ACTL6B: variants seen among roughly 807,000 people sequenced by gnomAD.
ACTL6B encodes the protein actin-like protein 6B.
A neutral mutation model predicts 63.3 loss-of-function variants in ACTL6B; 48 were observed. That is an observed-to-expected ratio of 0.76 (90% CI 0.60 to 0.96). The LOEUF (loss-of-function observed/expected upper bound fraction) is 0.96. ACTL6B is among the 50% of genes least tolerant of loss of function. The pLI, the probability that ACTL6B is intolerant of heterozygous loss-of-function variation, is 0.00. For missense variants in ACTL6B, 350 were observed against 572.2 expected (o/e 0.61, Z 3.96); for synonymous variants, 230 against 223.8 (o/e 1.03, Z -0.25).
At chr7:100,643,660 C>T (rs1356270467) in intron 13 of ACTL6B, among the ~76,000 whole-genome samples, 2 of 152,166 alleles carry the variant, frequency 1.3e-5, no homozygotes, top group Non-Finnish European at 2.9e-5. Context: ...CTCAACACCC[C>T]CTACACACAC....
rs761132428 is a variant in ACTL6B, at chr7:100,647,427, C to A, written c.759+17G>T. 4 of 1,611,524 alleles carry A rather than the reference C, an allele frequency of 2.5e-6. No homozygotes were observed. Among genetic ancestry groups the A allele is most frequent in the Non-Finnish European group, 2.5e-6 (3 of 1,178,348 alleles). On this transcript the variant is annotated intron_variant, in intron 8 of 13. Transcript: ENST00000160382. The surrounding 1 kb of genome is among the most constrained non-coding windows in gnomAD (Gnocchi z 4.4). Reference sequence around the variant, plus strand: ...GCAGGGGAGGGGGGTTTCAGGTGGCCCTCTCCAGAGGCTCACATTACACAT... The same window carrying A: ...GCAGGGGAGGGGGGTTTCAGGTGGCACTCTCCAGAGGCTCACATTACACAT...
chr7:100,646,724 C>A lies in ACTL6B; in HGVS notation c.1017+27G>T, dbSNP rs546607849. ...CCCCACTTCCCCTGGGCCCCTTTGC[C>A]GAGCCTCAGCTCCGGCCTGGCCTCA... On this transcript the variant is annotated intron_variant, in intron 11 of 13. Coordinates refer to ENST00000160382, the MANE Select transcript of ACTL6B (RefSeq NM_016188.5). The surrounding 1 kb of genome is among the most constrained non-coding windows in gnomAD (Gnocchi z 6.1). 2 of 1,613,304 alleles carry A rather than the reference C, an allele frequency of 1.2e-6. No individual in the cohort carries two copies. Among genetic ancestry groups the A allele is most frequent in the African/African-American group, 2.7e-5 (2 of 74,906 alleles).
chr7:100,643,289 T>A lies in ACTL6B; in HGVS notation c.1238A>T (p.Tyr413Phe). 6.2e-7 allele frequency: 1 copy of A among 1,613,942 alleles called. No homozygotes were observed. The highest frequency in any genetic ancestry group is 2.2e-5 in the East Asian group (1 of 44,828). Residue 413 changes from tyrosine (Y) to phenylalanine (F), a missense_variant, in exon 14 of 14, where the codon TAT becomes TTT. Tyr to Phe is a conservative substitution (Grantham distance 22). Around this residue, in one of 3 missense-constraint regions of ACTL6B, gnomAD observed 76 missense variants for 126.1 expected, o/e 0.60. Transcript: ENST00000160382. ...FQQMWISKQE[Y>F]EEGGKQCVER... Reference sequence around the variant, plus strand: ...CACGCACTGCTTCCCGCCCTCCTCATATTCCTGCTTGGAGATCCACATCTG... The same window carrying A: ...CACGCACTGCTTCCCGCCCTCCTCAAATTCCTGCTTGGAGATCCACATCTG...
rs544474333 is a variant in ACTL6B, at chr7:100,650,124, C to T, written c.381G>A (p.Arg127=). The T allele has an allele frequency of 2.5e-6, 4 of 1,613,848 alleles. No individual in the cohort carries two copies. The highest frequency in any genetic ancestry group is 2.7e-5 in the African/African-American group (2 of 75,024). The change falls in exon 5 of 14, where the codon CGG becomes CGA. Residue 127 remains arginine, a synonymous_variant. Coordinates refer to ENST00000160382, the MANE Select transcript of ACTL6B (RefSeq NM_016188.5). ...GCTCTGTCAGCTTCTCCCGCTTGGCCCGTGTGTTCCACTGTGGAGAAAGTG... is the reference window on the plus strand; with the variant it reads ...GCTCTGTCAGCTTCTCCCGCTTGGCTCGTGTGTTCCACTGTGGAGAAAGTG... ...VLMSEAPWNT[R]AKREKLTELM... is the part of the protein sequence containing the mutation.
At chr7:100,652,421 CA>C (rs35689439) in intron 4 of ACTL6B, among the ~76,000 whole-genome samples, 20,437 of 94,812 alleles carry the variant, frequency 0.22, 1,382 homozygotes, top group Non-Finnish European at 0.24. Flanking sequence ...GACTCCATCT[CA>C]AAAAAAAAAA....
At position 100,651,529 on chromosome 7, in the gene ACTL6B, G is replaced by T. The variant is rs192613003; in HGVS notation, c.370-1394C>A. 2.0e-3 allele frequency among the ~76,000 whole-genome samples: 296 copies of T among 149,676 alleles called. 1 individual carries two copies. Among genetic ancestry groups the T allele is most frequent in the African/African-American group, 7.0e-3 (286 of 40,784 alleles). On this transcript the variant is annotated intron_variant, in intron 4 of 13. Coordinates refer to ENST00000160382, the MANE Select transcript of ACTL6B (RefSeq NM_016188.5). ...CACGCCATTGCACTCCAGCCTGGGG[G>T]ACAAGAGTGACACTTCATCTCAAAA...
intron 13 of ACTL6B, among the ~76,000 whole-genome samples, chr7:100,645,457 C>A (rs1027008981): frequency 6.6e-6 from 1 of 152,080 alleles, no homozygotes; most frequent in African/African-American, 2.4e-5. Flanking sequence ...CCCCTTGACC[C>A]CAGCTCATAC....
chr7:100,647,606 C>G lies in ACTL6B; in HGVS notation c.670-73G>C. The G allele has an allele frequency of 8.6e-7, 1 of 1,161,188 alleles. No individual in the cohort carries two copies. The highest frequency in any genetic ancestry group is 1.2e-6 in the Non-Finnish European group (1 of 811,498). 71.9% of individuals were successfully genotyped at this position (1,161,188 alleles called of 1,614,324 possible). The stretch of plus-strand genomic sequence containing the variant: ...CCACCCCCACCTTCCTGGCACTGTT[C>G]CCAGCTCTGCAGCTACCTGGCGCTG... On this transcript the variant is annotated intron_variant, in intron 7 of 13. Transcript: ENST00000160382. This position sits in a 1 kb window ranked among gnomAD's most constrained non-coding sequence, Gnocchi z 4.4.
rs1804013354 is a variant in ACTL6B at position 100,655,105 on chromosome 7, A to C, written c.283T>G (p.Cys95Gly). 1 of 1,613,822 alleles carries C rather than the reference A, an allele frequency of 6.2e-7. No individual in the cohort carries two copies. The highest frequency in any genetic ancestry group is 1.3e-5 in the African/African-American group (1 of 74,954). Reference protein sequence around the residue: ...LKNGMIEDWECFRAILDHTYS... With the variant: ...LKNGMIEDWEGFRAILDHTYS... ...GTGTGATCCAGGATGGCTCGGAAGC[A>C]CTCCCAGTCCTCGACTGGGGCCAGA... The change falls in exon 4 of 14, where the codon TGC becomes GGC. Residue 95 changes from cysteine to glycine, a missense_variant. Physicochemically the swap from Cys to Gly is radical, Grantham distance 159. Coordinates refer to ENST00000160382, the MANE Select transcript of ACTL6B (RefSeq NM_016188.5). The surrounding 1 kb of genome is among the most constrained non-coding windows in gnomAD (Gnocchi z 4.4).
chr7:100,645,609 CT>C (rs1803805898), intron 13 of ACTL6B, among the ~76,000 whole-genome samples: 1 of 151,926 alleles, frequency 6.6e-6, no homozygotes, highest in South Asian at 2.1e-4. Flanking sequence ...CCTGACCAAT[CT>C]CTCCAACTAC....
chr7:100,653,348 T>C (rs1803978110), intron 4 of ACTL6B, among the ~76,000 whole-genome samples: 1 of 152,124 alleles, frequency 6.6e-6, no homozygotes, highest in Non-Finnish European at 1.5e-5. Flanking sequence ...TGATTTCTTT[T>C]AAAGTCTAAA....
At position 100,655,935 on chromosome 7, in the gene ACTL6B, T is replaced by C; in HGVS notation, c.26-56A>G. 2 of 1,510,116 alleles carry C rather than the reference T, an allele frequency of 1.3e-6. No individual in the cohort carries two copies. Among genetic ancestry groups the C allele is most frequent in the Non-Finnish European group, 8.9e-7 (1 of 1,117,554 alleles). 93.5% of individuals were successfully genotyped at this position (1,510,116 alleles called of 1,614,324 possible). A position where few individuals can be genotyped will look rare whatever the true frequency, so the allele number is the denominator to read the frequency against. ...CTCCCCCGAACTCTCTCCCGCTAGG[T>C]AGCTCCGAGAGAAAGTCAGGGCAGA... is the stretch of plus-strand genomic sequence containing the variant. On this transcript the variant is annotated intron_variant, in intron 1 of 13. Coordinates refer to ENST00000160382, the MANE Select transcript of ACTL6B (RefSeq NM_016188.5). This position sits in a 1 kb window ranked among gnomAD's most constrained non-coding sequence, Gnocchi z 4.4.
Position 100,646,513 on chromosome 7 carries a change from C to G in ACTL6B, c.1113+38G>C. 1 of 1,603,752 alleles carries G rather than the reference C, an allele frequency of 6.2e-7. No individual in the cohort carries two copies. The highest frequency in any genetic ancestry group is 1.1e-5 in the South Asian group (1 of 90,882). On this transcript the variant is annotated intron_variant, in intron 12 of 13. Transcript: ENST00000160382. This position sits in a 1 kb window ranked among gnomAD's most constrained non-coding sequence, Gnocchi z 6.1. ...TCAGTCCTGGACAGCTGAGCCAGGA[C>G]GGGTGTCCAGGGCTCTGGGTCAGGG...
At chr7:100,654,711 G>A (rs1804005374) in intron 4 of ACTL6B, among the ~76,000 whole-genome samples, 1 of 151,858 alleles carries the variant, frequency 6.6e-6, no homozygotes, top group African/African-American at 2.4e-5. Flanking sequence ...GATGTCGGGA[G>A]GCAGAGGCTG....
chr7:100,643,432 G>T lies in ACTL6B; in HGVS notation c.1201-106C>A, dbSNP rs555169727. The T allele has an allele frequency of 2.1e-3, 2,431 of 1,132,360 alleles. 5 individuals are homozygous for T. Among genetic ancestry groups the T allele is most frequent in the Middle Eastern group, 4.6e-3 (16 of 3,498 alleles). The allele number at this position is 1,132,360 out of a possible 1,614,324, so 70.1% of individuals were successfully genotyped here. Reference sequence around the variant, plus strand: ...CCAACAGGCCCCAACCACCCCTTGGGTTCACATCCCTCTGAAGCCCCTCCC... The same window carrying T: ...CCAACAGGCCCCAACCACCCCTTGGTTTCACATCCCTCTGAAGCCCCTCCC... On this transcript the variant is annotated intron_variant, in intron 13 of 13. Coordinates refer to ENST00000160382, the MANE Select transcript of ACTL6B (RefSeq NM_016188.5).
intron 4 of ACTL6B, among the ~76,000 whole-genome samples, chr7:100,650,918 T>C (rs1803929139): frequency 6.6e-6 from 1 of 152,126 alleles, no homozygotes; most frequent in South Asian, 2.1e-4. Context: ...ATTAAATAAA[T>C]AATTCTTTTT....
At chr7:100,644,175 C>T (rs923863130) in intron 13 of ACTL6B, among the ~76,000 whole-genome samples, 1 of 152,206 alleles carries the variant, frequency 6.6e-6, no homozygotes, top group Admixed American at 6.6e-5. Context: ...GCTGGGATTA[C>T]AAGCGTGAGC....
chr7:100,644,063 C>G (rs1378906736), intron 13 of ACTL6B, among the ~76,000 whole-genome samples: 7 of 152,080 alleles, frequency 4.6e-5, no homozygotes, highest in Admixed American at 4.6e-4. Flanking sequence ...ACACGCCCGG[C>G]TAATTTTTGT....
chr7:100,643,472 C>T (rs941322868), intron 13 of ACTL6B, 146 bp from the exon 14 acceptor site: 2 of 686,016 alleles, frequency 2.9e-6, no homozygotes, highest in East Asian at 2.7e-5. Flanking sequence ...TCATCCTCCC[C>T]TCCTCGGTCT....
Sources: allele counts gnomAD v4.1 joint callset (sites outside exome capture counted in the v4.1 genomes callset), GRCh38; gene constraint gnomAD v4.1.1; regional missense constraint gnomAD v4.1.1; non-coding constraint Gnocchi (gnomAD v3.1); transcripts MANE v1.5; gene names NCBI Gene and HGNC (gene_info 2026-07-23, HGNC 2026-07-21).